The following CHCHD3 variants were observed in gnomAD, a reference collection of about 807,000 sequenced individuals.
CHCHD3 encodes the protein MICOS complex subunit MIC19.
Under a neutral mutation model 38.2 loss-of-function variants are expected in CHCHD3, and 20 were observed. The ratio of observed to expected loss-of-function variants is 0.52; its 90% CI spans 0.37 to 0.76. The LOEUF is 0.76. CHCHD3 is among the 30% of genes least tolerant of loss of function. CHCHD3 has a pLI of 0.00. For missense variants in CHCHD3, 245 were observed against 279.2 expected (o/e 0.88, Z 0.87); for synonymous variants, 82 against 100.0 (o/e 0.82, Z 1.07).
intron 6 of CHCHD3, among the ~76,000 whole-genome samples, chr7:132,807,456 C>T (rs942086109): frequency 2.6e-5 from 4 of 151,714 alleles, no homozygotes; most frequent in Non-Finnish European, 5.9e-5. Flanking sequence ...CCAAAACAGA[C>T]GTGCAGTAAA....
At chr7:133,008,460 T>C (rs900351649) in intron 3 of CHCHD3, among the ~76,000 whole-genome samples, 7 of 148,402 alleles carry the variant, frequency 4.7e-5, no homozygotes, top group African/African-American at 1.7e-4. Flanking sequence ...AATTTCATGG[T>C]GAAGGAAGGA....
chr7:133,079,747 C>T (rs2117558175), intron 1 of CHCHD3, among the ~76,000 whole-genome samples: 1 of 152,290 alleles, frequency 6.6e-6, no homozygotes, highest in South Asian at 2.1e-4. Flanking sequence ...CTACAAAAGA[C>T]CCAGACAAAA....
At chr7:132,995,949 CA>C (rs1812403593) in intron 3 of CHCHD3, among the ~76,000 whole-genome samples, 1 of 152,078 alleles carries the variant, frequency 6.6e-6, no homozygotes, top group Non-Finnish European at 1.5e-5. Flanking sequence ...TTACTCCACA[CA>C]AAAATCCCAC....
At chr7:132,992,743 C>T (rs1266350971) in intron 3 of CHCHD3, among the ~76,000 whole-genome samples, 1 of 152,154 alleles carries the variant, frequency 6.6e-6, no homozygotes. Context: ...TGATTGCTCA[C>T]ATAATATTTC....
chr7:132,883,246 A>T (rs1809115894), intron 5 of CHCHD3, among the ~76,000 whole-genome samples: 2 of 152,234 alleles, frequency 1.3e-5, no homozygotes, highest in Admixed American at 1.3e-4. Flanking sequence ...TGCTCTAGGT[A>T]TAGAAGTAAA....
chr7:133,047,947 G>C (rs1814042304), intron 2 of CHCHD3, among the ~76,000 whole-genome samples: 1 of 152,170 alleles, frequency 6.6e-6, no homozygotes, highest in Non-Finnish European at 1.5e-5. Context: ...AATTAGCCAA[G>C]TGTGGTGGCA....
intron 5 of CHCHD3, among the ~76,000 whole-genome samples, chr7:132,870,823 C>T (rs1808751163): frequency 6.6e-6 from 1 of 152,064 alleles, no homozygotes; most frequent in Admixed American, 6.5e-5. Context: ...GCCACCATTC[C>T]CTTTCCCAAC....
At chr7:132,813,055 G>C (rs890960298) in intron 6 of CHCHD3, among the ~76,000 whole-genome samples, 2 of 152,154 alleles carry the variant, frequency 1.3e-5, no homozygotes, top group African/African-American at 4.8e-5. Context: ...TTATTTGGAT[G>C]ATCAGTTATT....
intron 3 of CHCHD3, among the ~76,000 whole-genome samples, chr7:132,976,637 G>A (rs1227784541): frequency 1.3e-5 from 2 of 152,148 alleles, no homozygotes; most frequent in Admixed American, 6.5e-5. Context: ...AAAAGGAAAA[G>A]TAAAATTGTT....
rs75652418 is a variant in CHCHD3 at position 132,854,110 on chromosome 7, G to A, written c.454-15641C>T. Among the ~76,000 whole-genome samples, 96 of 152,148 alleles carry A rather than the reference G, an allele frequency of 6.3e-4. No homozygotes were observed. In the East Asian group the frequency reaches 0.015, roughly 24 times the overall value. The stretch of plus-strand genomic sequence containing the variant: ...AAGAGTATAAATTGGTACAATTTAC[G>A]GCAACATGTTTCAAATGCCTTTCGA... On this transcript the variant is annotated intron_variant, in intron 5 of 7. Coordinates refer to ENST00000262570, the MANE Select transcript of CHCHD3 (RefSeq NM_017812.4).
intron 4 of CHCHD3, among the ~76,000 whole-genome samples, chr7:132,900,049 T>G (rs1301569930): frequency 6.6e-6 from 1 of 152,190 alleles, no homozygotes; most frequent in Non-Finnish European, 1.5e-5. Flanking sequence ...GGCAGCAGCG[T>G]TCCTTCTCTG....
intron 3 of CHCHD3, among the ~76,000 whole-genome samples, chr7:133,020,027 C>T (rs1350714672): frequency 2.0e-5 from 3 of 152,022 alleles, no homozygotes; most frequent in East Asian, 1.9e-4. Context: ...TCTGGATTCT[C>T]GGTACGCTGA....
chr7:132,851,160 A>G (rs1808211048), intron 5 of CHCHD3, among the ~76,000 whole-genome samples: 1 of 152,226 alleles, frequency 6.6e-6, no homozygotes, highest in African/African-American at 2.4e-5. Context: ...ATGTTCTGCA[A>G]GGAGCAGTTG....
chr7:132,864,103 G>A (rs910934199), intron 5 of CHCHD3, among the ~76,000 whole-genome samples: 5 of 152,264 alleles, frequency 3.3e-5, no homozygotes, highest in East Asian at 1.9e-4. Context: ...TGGTGCAAAC[G>A]GCACAGCTTT....
chr7:132,821,404 C>T (rs1373057648), intron 6 of CHCHD3, among the ~76,000 whole-genome samples: 1 of 152,040 alleles, frequency 6.6e-6, no homozygotes, highest in Non-Finnish European at 1.5e-5. Flanking sequence ...TGAAGAATAT[C>T]TATAAACATT....
At chr7:132,845,388 C>A (rs1808053091) in intron 5 of CHCHD3, among the ~76,000 whole-genome samples, 2 of 152,108 alleles carry the variant, frequency 1.3e-5, no homozygotes, top group South Asian at 4.1e-4. Flanking sequence ...ATCTGTAAAA[C>A]AAAAGCCTAT....
intron 2 of CHCHD3, among the ~76,000 whole-genome samples, chr7:133,043,200 TA>T (rs1393956372): frequency 1.3e-5 from 2 of 152,228 alleles, no homozygotes; most frequent in African/African-American, 4.8e-5. Flanking sequence ...ATAATCTTTT[TA>T]TACCATTTAT....
At chr7:132,844,016 C>T (rs17166769) in intron 5 of CHCHD3, among the ~76,000 whole-genome samples, 36,307 of 152,128 alleles carry the variant, frequency 0.24, 4,478 homozygotes, top group South Asian at 0.26. Context: ...AGAGAACAAA[C>T]GGGCCGGGCG....
chr7:132,933,595 A>T (rs1810567344), intron 4 of CHCHD3, among the ~76,000 whole-genome samples: 1 of 152,036 alleles, frequency 6.6e-6, no homozygotes, highest in African/African-American at 2.4e-5. Context: ...ATTTCTGTTA[A>T]AGATGATCCA....
Sources: gnomAD v4.1 joint callset for allele counts (sites outside exome capture counted in the v4.1 genomes callset) on GRCh38, gnomAD v4.1.1 for gene constraint, MANE v1.5 for transcripts, NCBI Gene and HGNC (gene_info 2026-07-23, HGNC 2026-07-21) for gene names.